The following PMS1 variants were observed in gnomAD, a reference collection of about 807,000 sequenced individuals.
PMS1 encodes the protein PMS1 protein homolog 1.
In PMS1, 79 loss-of-function variants were observed where a neutral mutation model predicts 93.1. The observed-to-expected ratio is 0.85, with a 90% confidence interval of 0.71 to 1.02. The LOEUF (loss-of-function observed/expected upper bound fraction) is 1.02, where lower values mean the gene tolerates loss of function less well. Among genes scored for constraint, PMS1 ranks in the 50% least tolerant of loss-of-function variants. The probability of loss-of-function intolerance (pLI) is 0.00; values close to 1 mark genes in which losing one functional copy is unlikely to be tolerated. For missense variants in PMS1, 1,064 were observed against 1,085.3 expected (o/e 0.98, Z 0.28); for synonymous variants, 335 against 363.4 (o/e 0.92, Z 0.89).
chr2:189,837,277 C>T (rs954005033), intron 5 of PMS1, among the ~76,000 whole-genome samples: 1 of 151,818 alleles, frequency 6.6e-6, no homozygotes, highest in African/African-American at 2.4e-5. Context: ...AGGCATGTGC[C>T]ACCATGCCCA....
At chr2:189,848,392 T>C (rs1177351895) in intron 6 of PMS1, among the ~76,000 whole-genome samples, 1 of 152,202 alleles carries the variant, frequency 6.6e-6, no homozygotes, top group Non-Finnish European at 1.5e-5. Context: ...CACATTCAAG[T>C]GTGAAAAGCA....
intron 6 of PMS1, among the ~76,000 whole-genome samples, chr2:189,846,525 A>C (rs1446274544): frequency 6.6e-6 from 1 of 151,442 alleles, no homozygotes; most frequent in Non-Finnish European, 1.5e-5. Context: ...AAAAAAAAAA[A>C]CAAACTAGTC....
At position 189,877,345 on chromosome 2, in the gene PMS1, G is replaced by A; in HGVS notation, c.2708G>A (p.Arg903Lys). 6.2e-7 allele frequency: 1 copy of A among 1,613,094 alleles called. No homozygotes were observed. The highest frequency in any genetic ancestry group is 8.5e-7 in the Non-Finnish European group (1 of 1,179,082). ...GAGGACATCCAAGACATTATCTACA[G>A]AATGAAGCACCAGTTTGGAAATGAA... ...SKEDIQDIIYRMKHQFGNEIK... is the reference protein window; with the variant it reads ...SKEDIQDIIYKMKHQFGNEIK... Residue 903 changes from arginine (R) to lysine (K), a missense_variant, in exon 13 of 13, where the codon AGA becomes AAA. Physicochemically the swap from Arg to Lys is conservative, Grantham distance 26. Coordinates refer to ENST00000441310, the MANE Select transcript of PMS1 (RefSeq NM_000534.5).
chr2:189,797,909 C>T (rs1195515953), intron 3 of PMS1, among the ~76,000 whole-genome samples: 1 of 152,168 alleles, frequency 6.6e-6, no homozygotes, highest in Non-Finnish European at 1.5e-5. Context: ...TACTCCTTGA[C>T]TTATGAGGGG....
intron 3 of PMS1, among the ~76,000 whole-genome samples, chr2:189,802,412 G>A (rs2049972382): frequency 6.6e-6 from 1 of 152,182 alleles, no homozygotes. Flanking sequence ...TCATTAAGTG[G>A]AAGCTGTTCA....
chr2:189,794,209 C>T (rs914397379), intron 2 of PMS1, among the ~76,000 whole-genome samples: 3 of 152,180 alleles, frequency 2.0e-5, no homozygotes, highest in Non-Finnish European at 2.9e-5. Flanking sequence ...GTCTCCCGGT[C>T]TCAAGCGATT....
intron 4 of PMS1, among the ~76,000 whole-genome samples, chr2:189,817,321 T>A (rs890829348): frequency 1.3e-5 from 2 of 152,252 alleles, no homozygotes; most frequent in Non-Finnish European, 2.9e-5. Context: ...GATTAACTGG[T>A]GACTAGTAGT....
At chr2:189,787,041 G>A (rs568981981) in intron 1 of PMS1, among the ~76,000 whole-genome samples, 31 of 152,168 alleles carry the variant, frequency 2.0e-4, no homozygotes, top group African/African-American at 6.5e-4. Flanking sequence ...CAACAAGAGC[G>A]AAACCTGAAA....
intron 12 of PMS1, among the ~76,000 whole-genome samples, chr2:189,875,363 C>T (rs1057094075): frequency 6.6e-6 from 1 of 151,718 alleles, no homozygotes; most frequent in East Asian, 1.9e-4. Flanking sequence ...GTCAGCCCTC[C>T]AGAACCCACA....
In PMS1 at chr2:189,795,956, G is replaced by A; in HGVS notation, c.315+5G>A. 6.3e-7 allele frequency: 1 copy of A among 1,583,900 alleles called. No individual in the cohort carries two copies. Among genetic ancestry groups the A allele is most frequent in the Non-Finnish European group, 8.7e-7 (1 of 1,152,558 alleles). On this transcript the variant is annotated splice_donor_5th_base_variant and intron_variant, in intron 3 of 12. Transcript: ENST00000441310. ...TCAATTTGTTGTATAGCTGAGGTAA[G>A]GTAATTATATTGGTTATTTTAGTGA...
chr2:189,838,080 CT>C (rs1575205937), intron 5 of PMS1, among the ~76,000 whole-genome samples: 1 of 152,096 alleles, frequency 6.6e-6, no homozygotes. Flanking sequence ...TTAAATCATG[CT>C]GTTGGTTGCA....
chr2:189,784,727 C>G (rs2048111985), intron 1 of PMS1, 134 bp downstream of exon 1: 1 of 152,664 alleles, frequency 6.6e-6, no homozygotes, highest in Admixed American at 6.5e-5. Context: ...GGAAGCGAAG[C>G]CGGGCTTGCG....
At chr2:189,839,562 C>G (rs1420422304) in intron 5 of PMS1, among the ~76,000 whole-genome samples, 1 of 152,198 alleles carries the variant, frequency 6.6e-6, no homozygotes, top group African/African-American at 2.4e-5. Flanking sequence ...TCCTATTTGT[C>G]AGGAATGCAC....
chr2:189,790,058 A>G (rs1049372939), intron 1 of PMS1, among the ~76,000 whole-genome samples: 3 of 152,202 alleles, frequency 2.0e-5, no homozygotes, highest in African/African-American at 4.8e-5. Flanking sequence ...TCAAATGCCA[A>G]CTTAGAGATT....
At chr2:189,851,606 A>G (rs1296950897) in intron 6 of PMS1, among the ~76,000 whole-genome samples, 4 of 152,196 alleles carry the variant, frequency 2.6e-5, no homozygotes, top group Non-Finnish European at 4.4e-5. Flanking sequence ...AGGGATAGCC[A>G]TAGACATAGG....
chr2:189,818,153 C>G lies in PMS1; in HGVS notation c.555C>G (p.Asp185Glu). The change falls in exon 5 of 13, where the codon GAC becomes GAG. Residue 185 changes from aspartate (D) to glutamate (E), a missense_variant. Coordinates refer to ENST00000441310, the MANE Select transcript of PMS1 (RefSeq NM_000534.5). Reference sequence around the variant, plus strand: ...TGAGCTTTGGTATCCTTAAACCTGACTTAAGGATTGTCTTTGTACATAACA... The same window carrying G: ...TGAGCTTTGGTATCCTTAAACCTGAGTTAAGGATTGTCTTTGTACATAACA... ...LLMSFGILKP[D>E]LRIVFVHNKA... 1 of 1,601,508 alleles carries G rather than the reference C, an allele frequency of 6.2e-7. No homozygotes were observed. Among genetic ancestry groups the G allele is most frequent in the Non-Finnish European group, 8.6e-7 (1 of 1,169,254 alleles).
At chr2:189,814,760 G>C (rs1214856764) in intron 4 of PMS1, among the ~76,000 whole-genome samples, 1 of 152,112 alleles carries the variant, frequency 6.6e-6, no homozygotes, top group Admixed American at 6.5e-5. Flanking sequence ...CACTGTAGAA[G>C]CAGCAGCCTT....
intron 6 of PMS1, 95 bp downstream of exon 6, chr2:189,844,175 CT>C: frequency 6.3e-7 from 1 of 1,584,890 alleles, no homozygotes; most frequent in Non-Finnish European, 8.5e-7. Context: ...AGAGGTTAGT[CT>C]TTTAATATTT....
Position 189,833,825 on chromosome 2 carries a change from T to C in PMS1, c.583-10139T>C, listed in dbSNP as rs531527152. Among the ~76,000 whole-genome samples, 6 of 152,320 alleles carry C rather than the reference T, an allele frequency of 3.9e-5. No individual in the cohort carries two copies. In the East Asian group the frequency reaches 1.2e-3, roughly 29 times the overall value. ...TTAATCTTTTTTCCTTTATTTGTTA[T>C]AGGAAGTGCTTTAGATCTTCAAGAT... On this transcript the variant is annotated intron_variant, in intron 5 of 12. Coordinates refer to ENST00000441310, the MANE Select transcript of PMS1 (RefSeq NM_000534.5).
Sources: allele counts gnomAD v4.1 joint callset (sites outside exome capture counted in the v4.1 genomes callset), GRCh38; gene constraint gnomAD v4.1.1; transcripts MANE v1.5; gene names NCBI Gene and HGNC (gene_info 2026-07-23, HGNC 2026-07-21).